DPYS: variants seen among roughly 807,000 people sequenced by gnomAD.
DPYS encodes dihydropyrimidinase.
DPYS carries 39 observed loss-of-function variants against 50.3 expected under a neutral mutation model. That is an observed-to-expected ratio of 0.78 (90% CI 0.60 to 1.01). DPYS has a LOEUF of 1.01. DPYS is among the 50% of genes least tolerant of loss of function. The pLI is 0.00. For synonymous variants in DPYS, 245 were observed against 250.7 expected (o/e 0.98, Z 0.22); for missense variants, 659 against 680.9 (o/e 0.97, Z 0.36).
At chr8:104,387,888 T>C (rs1330507069) in intron 8 of DPYS, among the ~76,000 whole-genome samples, 1 of 152,176 alleles carries the variant, frequency 6.6e-6, no homozygotes, top group Non-Finnish European at 1.5e-5. Flanking sequence ...AGCCCTAACT[T>C]AAAGCACCTG....
intron 8 of DPYS, among the ~76,000 whole-genome samples, chr8:104,387,140 T>C (rs1392530991): frequency 6.6e-6 from 1 of 152,150 alleles, no homozygotes; most frequent in Non-Finnish European, 1.5e-5. Flanking sequence ...CTGGTGAATG[T>C]AGAGGGCACT....
At chr8:104,389,196 A>G (rs1158898164) in intron 8 of DPYS, among the ~76,000 whole-genome samples, 1 of 152,236 alleles carries the variant, frequency 6.6e-6, no homozygotes, top group Non-Finnish European at 1.5e-5. Flanking sequence ...TGGTAGGGAC[A>G]ACAGATAAGC....
chr8:104,402,946 A>G (rs1811869092), intron 7 of DPYS, among the ~76,000 whole-genome samples: 1 of 152,212 alleles, frequency 6.6e-6, no homozygotes, highest in Admixed American at 6.5e-5. Context: ...GAAATAGCCA[A>G]TCATCTATCG....
chr8:104,435,264 G>C (rs1293608516), intron 4 of DPYS, among the ~76,000 whole-genome samples: 2 of 152,124 alleles, frequency 1.3e-5, no homozygotes, highest in African/African-American at 4.8e-5. Context: ...GAAGTCAGGG[G>C]CTGGCAGACT....
intron 1 of DPYS, among the ~76,000 whole-genome samples, chr8:104,461,509 T>C (rs1370380265): frequency 6.6e-6 from 1 of 152,098 alleles, no homozygotes; most frequent in Non-Finnish European, 1.5e-5. Flanking sequence ...TCATCAAGAA[T>C]ATGAACAATA....
intron 8 of DPYS, 100 bp downstream of exon 8, chr8:104,392,684 T>A: frequency 1.4e-6 from 2 of 1,400,774 alleles, no homozygotes; most frequent in Non-Finnish European, 2.0e-6. Flanking sequence ...TTAAACCAAG[T>A]GTGATGTGTC....
intron 1 of DPYS, among the ~76,000 whole-genome samples, chr8:104,451,999 T>A (rs1460125183): frequency 6.6e-6 from 1 of 152,168 alleles, no homozygotes; most frequent in African/African-American, 2.4e-5. Flanking sequence ...TTGATCTTCA[T>A]CTCCCACTCC....
At chr8:104,410,733 T>G (rs983922442) in intron 7 of DPYS, among the ~76,000 whole-genome samples, 2 of 152,188 alleles carry the variant, frequency 1.3e-5, no homozygotes, top group Admixed American at 6.5e-5. Flanking sequence ...TCTGCTATAC[T>G]TCACCTAACA....
intron 8 of DPYS, among the ~76,000 whole-genome samples, chr8:104,383,845 ACCTG>A (rs2140502382): frequency 6.6e-6 from 1 of 151,596 alleles, no homozygotes; most frequent in East Asian, 2.0e-4. Context: ...CAAGTCATCC[ACCTG>A]CCTCAGTTTC....
rs543395838 is a variant in DPYS, at chr8:104,383,877, C to T, written c.1444-2563G>A. ...TCAGTTTCCCAAAGTGCTGGGATTA[C>T]AGGCGTGAGCCACTGAGCCTGGCCT... On this transcript the variant is annotated intron_variant, in intron 8 of 9. Transcript: ENST00000351513. Among the ~76,000 whole-genome samples the T allele has an allele frequency of 3.9e-5, 6 of 152,304 alleles. No homozygotes were observed. The South Asian group carries it at 6.2e-4, about 16-fold the overall frequency.
chr8:104,464,079 G>A (rs1006657930), intron 1 of DPYS, among the ~76,000 whole-genome samples: 5 of 152,062 alleles, frequency 3.3e-5, no homozygotes, highest in African/African-American at 1.2e-4. Context: ...CTAAACCTTT[G>A]ACCTTAATAT....
At chr8:104,437,465 TA>T (rs1326682403) in intron 4 of DPYS, among the ~76,000 whole-genome samples, 3 of 152,162 alleles carry the variant, frequency 2.0e-5, no homozygotes, top group African/African-American at 7.2e-5. Context: ...ATATATTAGC[TA>T]AAAGACTCTC....
rs559141899 is a variant in DPYS, at chr8:104,384,587, T to C, written c.1444-3273A>G. Among the ~76,000 whole-genome samples the C allele has an allele frequency of 1.5e-4, 23 of 152,314 alleles. No homozygotes were observed. The South Asian group carries it at 4.6e-3, about 30-fold the overall frequency. On this transcript the variant is annotated intron_variant, in intron 8 of 9. Coordinates refer to ENST00000351513, the MANE Select transcript of DPYS (RefSeq NM_001385.3). ...GATGATGGCAAACCTCTGTCCGAAG[T>C]AGGAACTGCCCAGCCTGACACAGAC...
At chr8:104,461,426 T>C (rs1356349586) in intron 1 of DPYS, among the ~76,000 whole-genome samples, 1 of 152,192 alleles carries the variant, frequency 6.6e-6, no homozygotes, top group Non-Finnish European at 1.5e-5. Context: ...AATGAATGTA[T>C]TAAACTCCTT....
chr8:104,425,030 A>G (rs1025186073), intron 6 of DPYS, among the ~76,000 whole-genome samples: 27 of 152,068 alleles, frequency 1.8e-4, no homozygotes, highest in Non-Finnish European at 4.4e-5. Flanking sequence ...GGGTTTCACC[A>G]TGTTGGCCAG....
intron 8 of DPYS, chr8:104,381,520 TCAGA>T (rs1811038759): frequency 1.9e-6 from 1 of 532,052 alleles, no homozygotes; most frequent in African/African-American, 1.9e-5. Context: ...TTAATCTGCC[TCAGA>T]CAGAGGCCCA....
At chr8:104,391,314 T>C (rs904625018) in intron 8 of DPYS, among the ~76,000 whole-genome samples, 1 of 151,282 alleles carries the variant, frequency 6.6e-6, no homozygotes, top group African/African-American at 2.4e-5. Context: ...ATTTGAAAAA[T>C]GGAAAGAAGA....
chr8:104,390,221 C>T (rs928498977), intron 8 of DPYS, among the ~76,000 whole-genome samples: 1 of 152,188 alleles, frequency 6.6e-6, no homozygotes, highest in Non-Finnish European at 1.5e-5. Context: ...CCTCTATGTT[C>T]ATCTCCTAGA....
intron 7 of DPYS, among the ~76,000 whole-genome samples, chr8:104,416,669 G>A (rs1030178052): frequency 1.3e-5 from 2 of 152,134 alleles, no homozygotes; most frequent in Non-Finnish European, 2.9e-5. Context: ...GTGTGTGTGT[G>A]TGTGTGTGCA....
Sources: gnomAD v4.1 joint callset for allele counts (sites outside exome capture counted in the v4.1 genomes callset) on GRCh38, gnomAD v4.1.1 for gene constraint, MANE v1.5 for transcripts, NCBI Gene and HGNC (gene_info 2026-07-23, HGNC 2026-07-21) for gene names.